Variants in ARHGAP32 observed in about 807,000 individuals in gnomAD.
ARHGAP32 encodes the protein rho GTPase-activating protein 32.
A neutral mutation model predicts 186.5 loss-of-function variants in ARHGAP32; 51 were observed. The ratio of observed to expected loss-of-function variants is 0.27; its 90% confidence interval spans 0.22 to 0.35. The LOEUF (loss-of-function observed/expected upper bound fraction) is 0.35. Ranked by LOEUF, ARHGAP32 falls within the 10% of genes least tolerant of loss-of-function variation. ARHGAP32 has a pLI of 1.00. For missense variants in ARHGAP32, 2,186 were observed against 2,623.5 expected, an observed-to-expected ratio of 0.83 and a Z score of 3.64; for synonymous variants, 950 against 964.3, an observed-to-expected ratio of 0.99 and a Z score of 0.27.
At chr11:129,043,124 C>T (rs1388087594) in intron 10 of ARHGAP32, among the ~76,000 whole-genome samples, 4 of 152,152 alleles carry the variant, frequency 2.6e-5, no homozygotes, top group Non-Finnish European at 5.9e-5. Context: ...TAACAATGTA[C>T]AAATATCTGC....
intron 1 of ARHGAP32, among the ~76,000 whole-genome samples, chr11:129,230,749 C>T (rs1944847440): frequency 1.3e-5 from 2 of 152,046 alleles, no homozygotes; most frequent in Admixed American, 1.3e-4. Flanking sequence ...CCATATCAAA[C>T]ATCATACATC....
Position 128,970,929 on chromosome 11 carries a change from G to T in ARHGAP32, c.4284C>A (p.Pro1428=), listed in dbSNP as rs751496391. Residue 1428 remains proline (P), a synonymous_variant, in exon 23 of 23, where the codon CCC becomes CCA. Coordinates refer to ENST00000682385, the MANE Select transcript of ARHGAP32 (RefSeq NM_001378024.1). This position sits in a 1 kb window ranked among gnomAD's most constrained non-coding sequence, Gnocchi z 5.8. ...TCTTACTCTCCATCATCCTGGTGGGGGGCAGTGGTGCAGGAAAGCCACAGG... is the reference window on the plus strand; with the variant it reads ...TCTTACTCTCCATCATCCTGGTGGGTGGCAGTGGTGCAGGAAAGCCACAGG... ...AHPCGFPAPL[P]PTRMMESKMI... The T allele has an allele frequency of 8.7e-6, 14 of 1,613,892 alleles. No individual in the cohort carries two copies. The highest frequency in any genetic ancestry group is 1.2e-5 in the Non-Finnish European group (14 of 1,179,962).
intron 6 of ARHGAP32, among the ~76,000 whole-genome samples, chr11:129,088,235 C>T (rs1308071935): frequency 1.3e-5 from 2 of 152,180 alleles, no homozygotes; most frequent in African/African-American, 4.8e-5. Context: ...TTTGTATTTT[C>T]AGCAGATATA....
intron 1 of ARHGAP32, among the ~76,000 whole-genome samples, chr11:129,242,438 G>A (rs1045388676): frequency 6.6e-6 from 1 of 152,078 alleles, no homozygotes; most frequent in Non-Finnish European, 1.5e-5. Flanking sequence ...AGAAACCTAG[G>A]CCAGGTGCAG....
intron 1 of ARHGAP32, among the ~76,000 whole-genome samples, chr11:129,274,027 A>C (rs953729109): frequency 2.6e-5 from 4 of 152,164 alleles, no homozygotes; most frequent in African/African-American, 9.7e-5. Context: ...GCAAAAAAAA[A>C]AAAACAACTG....
In ARHGAP32 at chr11:128,969,802, A is replaced by G; in HGVS notation, c.5411T>C (p.Ile1804Thr). Reference protein sequence around the residue: ...VQDDLGGIYVIHLRSKSDPGK... With the variant: ...VQDDLGGIYVTHLRSKSDPGK... ...AGGATCTGATTTACTACGCAGATGG[A>G]TGACATAGATCCCACCCAAGTCGTC... The change falls in exon 23 of 23, where the codon ATC becomes ACC. Residue 1804 changes from isoleucine (I) to threonine (T), a missense_variant. Transcript: ENST00000682385. This position sits in a 1 kb window ranked among gnomAD's most constrained non-coding sequence, Gnocchi z 4.8. 1.2e-6 allele frequency: 2 copies of G among 1,614,126 alleles called. No individual in the cohort carries two copies. Among genetic ancestry groups the G allele is most frequent in the Non-Finnish European group, 1.7e-6 (2 of 1,180,020 alleles).
chr11:129,041,074 A>G, intron 10 of ARHGAP32, 65 bp from the exon 11 acceptor site: 1 of 1,080,544 alleles, frequency 9.3e-7, no homozygotes, highest in Admixed American at 2.0e-5. Flanking sequence ...GAACACTGCC[A>G]ACTGAATTCC....
rs1176133446 is a variant in ARHGAP32, at chr11:129,192,130, T to C, written c.69A>G (p.Ile23Met). The C allele has an allele frequency of 1.9e-6, 3 of 1,613,830 alleles. No individual in the cohort carries two copies. The highest frequency in any genetic ancestry group is 2.5e-6 in the Non-Finnish European group (3 of 1,179,832). Residue 23 changes from isoleucine (I) to methionine (M), a missense_variant, in exon 1 of 23, where the codon ATA (isoleucine) becomes ATG (methionine). By Grantham distance (10) the Ile-to-Met change is conservative. This residue lies in a region of ARHGAP32 where 108 missense variants were observed against 116.8 expected (regional missense o/e 0.92). Coordinates refer to ENST00000682385, the MANE Select transcript of ARHGAP32 (RefSeq NM_001378024.1). Reference sequence around the variant, plus strand: ...CCTCTTCACAGTCAGTCACCTGGATTATAACTTCAGACTCCAACCAGAAGA... The same window carrying C: ...CCTCTTCACAGTCAGTCACCTGGATCATAACTTCAGACTCCAACCAGAAGA... ...DSVFWLESEVIIQVTDCEEEE... is the reference protein window; with the variant it reads ...DSVFWLESEVMIQVTDCEEEE...
intron 1 of ARHGAP32, among the ~76,000 whole-genome samples, chr11:129,166,118 T>C (rs762741866): frequency 6.6e-6 from 1 of 152,092 alleles, no homozygotes; most frequent in Non-Finnish European, 1.5e-5. Context: ...CAGATACATT[T>C]AGTAGAACAA....
intron 1 of ARHGAP32, among the ~76,000 whole-genome samples, chr11:129,208,086 G>A (rs368963045): frequency 6.6e-6 from 1 of 152,006 alleles, no homozygotes; most frequent in Non-Finnish European, 1.5e-5. Context: ...CATTCCTACC[G>A]TTTTAAAAGA....
intron 10 of ARHGAP32, among the ~76,000 whole-genome samples, chr11:129,059,686 G>A (rs558066): frequency 0.12 from 18,802 of 151,780 alleles, 1,313 homozygotes; most frequent in Non-Finnish European, 0.15. Flanking sequence ...TTTTAGTAGA[G>A]ATGGGGTTTC....
intron 1 of ARHGAP32, among the ~76,000 whole-genome samples, chr11:129,174,762 A>T (rs1484781192): frequency 2.0e-5 from 3 of 152,168 alleles, no homozygotes; most frequent in Non-Finnish European, 4.4e-5. Flanking sequence ...TAACAAACAG[A>T]AAGCACATCC....
chr11:128,974,395 T>A lies in ARHGAP32; in HGVS notation c.2802A>T (p.Ser934=). ...PISVTLPPRV[S]EVIGTVSNTT... ...TATTTGAGACTGTACCAATGACTTC[T>A]GACACCCGTGGTGGTAGGGTCACTG... The change falls in exon 21 of 23, where the codon TCA becomes TCT. Residue 934 remains serine, a synonymous_variant. Coordinates refer to ENST00000682385, the MANE Select transcript of ARHGAP32 (RefSeq NM_001378024.1). The A allele has an allele frequency of 6.2e-7, 1 of 1,614,208 alleles. No homozygotes were observed. The highest frequency in any genetic ancestry group is 8.5e-7 in the Non-Finnish European group (1 of 1,180,024).
rs112591558 is a variant in ARHGAP32 at position 129,276,461 on chromosome 11, C to A, written c.-5+2685G>T. ...GACTACAGGTGTGTGCCACTACACT[C>A]AGCTAATGGTTTTTATTTGATTTTC... On this transcript the variant is annotated intron_variant, in intron 1 of 6. Coordinates refer to the ARHGAP32 transcript ENST00000525234. 6.3e-3 allele frequency among the ~76,000 whole-genome samples: 952 copies of A among 152,146 alleles called. 7 individuals are homozygous for A. The highest frequency in any genetic ancestry group is 0.022 in the African/African-American group (901 of 41,488).
chr11:128,987,903 T>C, intron 13 of ARHGAP32, 120 bp downstream of exon 13: 1 of 702,848 alleles, frequency 1.4e-6, no homozygotes, highest in Non-Finnish European at 2.4e-6. Context: ...GTATATTATT[T>C]CCTATTTTAT....
intron 2 of ARHGAP32, among the ~76,000 whole-genome samples, chr11:129,146,982 C>T (rs1943179620): frequency 2.0e-5 from 3 of 151,972 alleles, no homozygotes; most frequent in Admixed American, 2.0e-4. Context: ...AAAAGGGTCC[C>T]TAACTTACTT....
intron 1 of ARHGAP32, among the ~76,000 whole-genome samples, chr11:129,214,072 A>G (rs2439803): frequency 0.13 from 19,601 of 152,090 alleles, 1,403 homozygotes; most frequent in Non-Finnish European, 0.15. Flanking sequence ...ATTCTACACA[A>G]TAACTGACCA....
At chr11:128,983,479 C>T (rs1261570103) in intron 15 of ARHGAP32, among the ~76,000 whole-genome samples, 1 of 150,324 alleles carries the variant, frequency 6.7e-6, no homozygotes, top group Non-Finnish European at 1.5e-5. Flanking sequence ...GAACATCACA[C>T]ACCGGGGCCT....
At chr11:129,185,518 G>GTGTAT (rs1019531586) in intron 1 of ARHGAP32, among the ~76,000 whole-genome samples, 30 of 152,208 alleles carry the variant, frequency 2.0e-4, no homozygotes, top group Middle Eastern at 3.4e-3. Flanking sequence ...GAGTTACTGG[G>GTGTAT]TGTAGCACAC....
Sources: allele counts gnomAD v4.1 joint callset (sites outside exome capture counted in the v4.1 genomes callset), GRCh38; gene constraint gnomAD v4.1.1; regional missense constraint gnomAD v4.1.1; non-coding constraint Gnocchi (gnomAD v3.1); transcripts MANE v1.5; gene names NCBI Gene and HGNC (gene_info 2026-07-23, HGNC 2026-07-21).